RNF220: variants seen among roughly 807,000 people sequenced by gnomAD.
RNF220 encodes the protein ring finger protein 220.
Under a neutral mutation model 67.1 loss-of-function variants are expected in RNF220, and 7 were observed. The ratio of observed to expected loss-of-function variants is 0.10; its 90% CI spans 0.06 to 0.20. RNF220 has a LOEUF of 0.20. Among genes scored for constraint, RNF220 ranks in the 10% least tolerant of loss-of-function variants. The probability of loss-of-function intolerance (pLI) is 1.00; values close to 1 mark genes in which losing one functional copy is unlikely to be tolerated. For synonymous variants in RNF220, 270 were observed against 283.2 expected, an observed-to-expected ratio of 0.95 and a Z score of 0.47; for missense variants, 565 against 740.3, an observed-to-expected ratio of 0.76 and a Z score of 2.75.
chr1:44,442,659 C>A (rs1218706965), intron 2 of RNF220, among the ~76,000 whole-genome samples: 1 of 151,852 alleles, frequency 6.6e-6, no homozygotes, highest in Non-Finnish European at 1.5e-5. Flanking sequence ...GAGTTACCGG[C>A]GTGCACTACC....
At chr1:44,477,899 C>T (rs1483286554) in intron 2 of RNF220, among the ~76,000 whole-genome samples, 1 of 152,192 alleles carries the variant, frequency 6.6e-6, no homozygotes, top group Non-Finnish European at 1.5e-5. Flanking sequence ...TAATCTACAA[C>T]AGTACATTTC....
intron 2 of RNF220, among the ~76,000 whole-genome samples, chr1:44,526,904 C>G (rs866986879): frequency 2.0e-5 from 3 of 152,272 alleles, no homozygotes; most frequent in Middle Eastern, 3.4e-3. Flanking sequence ...AGCCGCTCTT[C>G]CCTTAGCTTC....
intron 2 of RNF220, among the ~76,000 whole-genome samples, chr1:44,476,043 A>G (rs566808265): frequency 6.6e-6 from 1 of 152,088 alleles, no homozygotes; most frequent in Non-Finnish European, 1.5e-5. Context: ...CAGTTGCAGA[A>G]GAATATATAC....
intron 2 of RNF220, among the ~76,000 whole-genome samples, chr1:44,452,140 G>A (rs1315211375): frequency 6.6e-6 from 1 of 152,174 alleles, no homozygotes; most frequent in Non-Finnish European, 1.5e-5. Context: ...AAAATGCCAG[G>A]CTGTACATGG....
rs530437649 is a variant in RNF220 at position 44,629,331 on chromosome 1, A to G, written c.906+2933A>G. Among the ~76,000 whole-genome samples, 3 of 152,360 alleles carry G rather than the reference A, an allele frequency of 2.0e-5. No individual in the cohort carries two copies. The South Asian group carries it at 6.2e-4, about 32-fold the overall frequency. ...GCAGCTCTTGATAGGAGAAGATGCA[A>G]ATAATTCTGGCCATATTTAATCTTT... is the stretch of plus-strand genomic sequence containing the variant. On this transcript the variant is annotated intron_variant, in intron 5 of 14. Transcript: ENST00000361799.
chr1:44,634,542 G>A (rs971583596), intron 6 of RNF220, among the ~76,000 whole-genome samples: 2 of 152,134 alleles, frequency 1.3e-5, no homozygotes, highest in African/African-American at 4.8e-5. Flanking sequence ...GCCCTGCTTT[G>A]GGGAACCTTT....
intron 2 of RNF220, among the ~76,000 whole-genome samples, chr1:44,493,573 A>G (rs1657054504): frequency 6.6e-6 from 1 of 152,166 alleles, no homozygotes; most frequent in African/African-American, 2.4e-5. Context: ...CTTGGATCCT[A>G]TCCCCAAGAT....
chr1:44,549,327 A>AT (rs1662430782), intron 2 of RNF220, among the ~76,000 whole-genome samples: 1 of 152,214 alleles, frequency 6.6e-6, no homozygotes, highest in Non-Finnish European at 1.5e-5. Flanking sequence ...CTCTCTGAAC[A>AT]ATTGCTAAGT....
intron 6 of RNF220, among the ~76,000 whole-genome samples, chr1:44,634,480 T>C (rs1371870671): frequency 6.6e-6 from 1 of 152,176 alleles, no homozygotes; most frequent in African/African-American, 2.4e-5. Flanking sequence ...CCTCCTAGAT[T>C]GCATTCATGA....
chr1:44,477,264 T>C (rs1273142688), intron 2 of RNF220, among the ~76,000 whole-genome samples: 1 of 152,208 alleles, frequency 6.6e-6, no homozygotes, highest in Admixed American at 6.5e-5. Flanking sequence ...ATGAACATGG[T>C]CCCTTCCCTT....
chr1:44,454,294 C>A (rs532711577), intron 2 of RNF220, among the ~76,000 whole-genome samples: 1 of 152,250 alleles, frequency 6.6e-6, no homozygotes, highest in East Asian at 1.9e-4. Flanking sequence ...TTATCATTTC[C>A]ATTTCCCCTA....
Position 44,600,225 on chromosome 1 carries a change from G to A in RNF220, c.626-13940G>A, listed in dbSNP as rs566771784. On this transcript the variant is annotated intron_variant, in intron 2 of 14. Coordinates refer to ENST00000361799, the MANE Select transcript of RNF220 (RefSeq NM_018150.4). The surrounding 1 kb of genome is among the most constrained non-coding windows in gnomAD (Gnocchi z 4.0). ...CCATCTCAGACATGTTGAGCTTAAA[G>A]AGCCTATGGGACATCCAAGCAGAGC... is the stretch of plus-strand genomic sequence containing the variant. Among the ~76,000 whole-genome samples, 2 of 152,320 alleles carry A rather than the reference G, an allele frequency of 1.3e-5. No individual in the cohort carries two copies. Among genetic ancestry groups the A allele is most frequent in the East Asian group, 3.9e-4 (2 of 5,190 alleles).
intron 2 of RNF220, among the ~76,000 whole-genome samples, chr1:44,433,408 A>G (rs1572486516): frequency 6.6e-6 from 1 of 152,310 alleles, no homozygotes; most frequent in East Asian, 1.9e-4. Flanking sequence ...TTGTGTCTCC[A>G]ACTCCGGTGA....
chr1:44,422,163 A>G (rs957929897), intron 2 of RNF220, among the ~76,000 whole-genome samples: 1 of 152,178 alleles, frequency 6.6e-6, no homozygotes, highest in African/African-American at 2.4e-5. Context: ...TGAAGGAGAA[A>G]GTCTGGGATT....
intron 5 of RNF220, chr1:44,631,847 G>A: frequency 2.1e-6 from 2 of 954,968 alleles, no homozygotes; most frequent in Non-Finnish European, 2.5e-6. Context: ...GAGGGACCCC[G>A]GGGAGGCTTC....
At chr1:44,637,141 C>A (rs1644353528) in intron 8 of RNF220, among the ~76,000 whole-genome samples, 1 of 152,224 alleles carries the variant, frequency 6.6e-6, no homozygotes, top group Non-Finnish European at 1.5e-5. Flanking sequence ...GGAAGAAGTT[C>A]TCTGCCTTCG....
chr1:44,432,895 C>CT (rs759672475), intron 2 of RNF220, among the ~76,000 whole-genome samples: 4,046 of 104,354 alleles, frequency 0.039, 349 homozygotes, highest in African/African-American at 0.12. Context: ...TTCAAATTGG[C>CT]TTTTCTTTTT....
rs376147423 is a variant in RNF220, at chr1:44,439,442, A to G, written c.625+26720A>G. ...ATAGGAAGGATATTAATCTTTTTTA[A>G]TCTATAATATTTGTTGCATTTTTTT... On this transcript the variant is annotated intron_variant, in intron 2 of 14. Coordinates refer to ENST00000361799, the MANE Select transcript of RNF220 (RefSeq NM_018150.4). Among the ~76,000 whole-genome samples, 37 of 151,244 alleles carry G rather than the reference A, an allele frequency of 2.4e-4. No homozygotes were observed. In the South Asian group the frequency reaches 7.8e-3, roughly 32 times the overall value.
At chr1:44,435,153 A>G (rs977635804) in intron 2 of RNF220, among the ~76,000 whole-genome samples, 4 of 152,214 alleles carry the variant, frequency 2.6e-5, no homozygotes, top group Non-Finnish European at 5.9e-5. Context: ...GAAGTGCCTA[A>G]AAAAACACCA....
Sources: gnomAD v4.1 joint callset for allele counts (sites outside exome capture counted in the v4.1 genomes callset) on GRCh38, gnomAD v4.1.1 for gene constraint, Gnocchi (gnomAD v3.1) non-coding constraint, MANE v1.5 for transcripts, NCBI Gene and HGNC (gene_info 2026-07-23, HGNC 2026-07-21) for gene names.